RXFP1: variants seen among roughly 807,000 people sequenced by gnomAD.
RXFP1 encodes the protein relaxin receptor 1.
RXFP1 carries 73 observed loss-of-function variants against 89.8 expected under a neutral mutation model. The ratio of observed to expected loss-of-function variants is 0.81; its 90% CI spans 0.67 to 0.99. RXFP1 has a LOEUF of 0.99. Among genes scored for constraint, RXFP1 ranks in the 50% least tolerant of loss-of-function variants. RXFP1 has a pLI of 0.00. For synonymous variants in RXFP1, 277 were observed against 305.5 expected (o/e 0.91, Z 0.97); for missense variants, 793 against 895.5 (o/e 0.89, Z 1.46).
intron 15 of RXFP1, 91 bp from the exon 16 acceptor site, chr4:158,646,700 A>G: frequency 1.4e-6 from 2 of 1,478,714 alleles, no homozygotes; most frequent in South Asian, 3.0e-5. Context: ...AAACTTGACT[A>G]TTTTTTCTAG....
intron 3 of RXFP1, among the ~76,000 whole-genome samples, chr4:158,597,894 C>G (rs55779706): frequency 6.6e-6 from 1 of 152,116 alleles, no homozygotes; most frequent in Non-Finnish European, 1.5e-5. Flanking sequence ...ACATCCACAA[C>G]CAAAGTGGGT....
chr4:158,624,606 C>T (rs570908428), intron 9 of RXFP1, among the ~76,000 whole-genome samples: 8 of 152,214 alleles, frequency 5.3e-5, no homozygotes, highest in African/African-American at 1.9e-4. Flanking sequence ...AAAAAACCTT[C>T]GTTAACTCCA....
chr4:158,607,657 A>T (rs557591564), intron 5 of RXFP1, among the ~76,000 whole-genome samples: 1 of 152,352 alleles, frequency 6.6e-6, no homozygotes, highest in South Asian at 2.1e-4. Context: ...ATTCATCTTT[A>T]TAACTAGAAT....
At position 158,527,564 on chromosome 4, in the gene RXFP1, A is replaced by AATATATATATATAT. The variant is rs1553989424; in HGVS notation, c.49+5540_49+5553dup. Among the ~76,000 whole-genome samples, 601 of 98,278 alleles carry AATATATATATATAT rather than the reference A, an allele frequency of 6.1e-3. 7 individuals carry two copies. Among genetic ancestry groups the AATATATATATATAT allele is most frequent in the South Asian group, 0.019 (46 of 2,374 alleles). The allele number at this position is 98,278 out of a possible 152,430, so 64.5% of individuals were successfully genotyped here. A position where few individuals can be genotyped will look rare whatever the true frequency, so the allele number is the denominator to read the frequency against. Reference sequence around the variant, plus strand: ...ATCTCCCCCGCTCCAAAAAAAAAAAAATATATATATATATGTATATATATA... The same window carrying AATATATATATATAT: ...ATCTCCCCCGCTCCAAAAAAAAAAAAATATATATATATATATATATATATATATGTATATATATA... On this transcript the variant is annotated intron_variant, in intron 1 of 17. Transcript: ENST00000307765.
chr4:158,617,170 A>G lies in RXFP1; in HGVS notation c.720A>G (p.Lys240=). 1 of 1,610,376 alleles carries G rather than the reference A, an allele frequency of 6.2e-7. No homozygotes were observed. Among genetic ancestry groups the G allele is most frequent in the Admixed American group, 1.7e-5 (1 of 59,650 alleles). The change falls in exon 9 of 18, where the codon AAA becomes AAG. Residue 240 remains lysine (K), a synonymous_variant. Transcript: ENST00000307765. ...MNNVLTRLPD[K]PLCQHMPRLH... is the part of the protein sequence containing the mutation. ...ACGTCCTCACCCGTTTACCTGATAA[A>G]CCTCTCTGTCAACACATGCCAAGAC...
rs61074864 is a variant in RXFP1 at position 158,640,444 on chromosome 4, T to C, written c.1115+1113T>C. Among the ~76,000 whole-genome samples the C allele has an allele frequency of 9.9e-3, 1,507 of 152,130 alleles. 23 individuals are homozygous for C. The highest frequency in any genetic ancestry group is 0.035 in the African/African-American group (1,449 of 41,480). On this transcript the variant is annotated intron_variant, in intron 14 of 17. Coordinates refer to ENST00000307765, the MANE Select transcript of RXFP1 (RefSeq NM_021634.4). ...GTACCAACCTCTAATTTTGGTGAGGTCGTCAGGAAAGCTTTTAATCATGGC... is the reference window on the plus strand; with the variant it reads ...GTACCAACCTCTAATTTTGGTGAGGCCGTCAGGAAAGCTTTTAATCATGGC...
chr4:158,537,947 AG>A (rs1247713515), intron 1 of RXFP1, among the ~76,000 whole-genome samples: 1 of 152,200 alleles, frequency 6.6e-6, no homozygotes, highest in Admixed American at 6.5e-5. Context: ...TTGAAGAATG[AG>A]GAACAGCCAG....
At chr4:158,527,564 A>AAAAAATATAT (rs5741905) in intron 1 of RXFP1, among the ~76,000 whole-genome samples, 45 of 98,326 alleles carry the variant, frequency 4.6e-4, no homozygotes, top group East Asian at 1.6e-3. Context: ...AAAAAAAAAA[A>AAAAAATATAT]ATATATATAT....
intron 2 of RXFP1, among the ~76,000 whole-genome samples, chr4:158,579,242 G>C (rs1307210806): frequency 6.6e-6 from 1 of 151,960 alleles, no homozygotes; most frequent in Non-Finnish European, 1.5e-5. Flanking sequence ...CTGGCCTCCA[G>C]AACTGTGAGA....
chr4:158,644,881 C>T (rs1033900380), intron 14 of RXFP1, 28 bp from the exon 15 acceptor site: 8 of 1,481,188 alleles, frequency 5.4e-6, no homozygotes, highest in Non-Finnish European at 7.5e-6. Context: ...AATGGAAAAT[C>T]TTATTTTACT....
chr4:158,558,610 G>GCAATA (rs1751815595), intron 1 of RXFP1, among the ~76,000 whole-genome samples: 1 of 152,082 alleles, frequency 6.6e-6, no homozygotes, highest in Non-Finnish European at 1.5e-5. Flanking sequence ...CTTAAGCAAG[G>GCAATA]TATATATTCA....
chr4:158,551,164 A>G (rs904915952), intron 1 of RXFP1, among the ~76,000 whole-genome samples: 5 of 152,230 alleles, frequency 3.3e-5, no homozygotes, highest in Non-Finnish European at 2.9e-5. Flanking sequence ...CATTTGTGAC[A>G]ACATGGATGA....
intron 10 of RXFP1, among the ~76,000 whole-genome samples, chr4:158,627,640 TA>T (rs1767166859): frequency 6.6e-6 from 1 of 152,032 alleles, no homozygotes; most frequent in African/African-American, 2.4e-5. Flanking sequence ...AGGACCCCTG[TA>T]TATAGGCGAT....
At chr4:158,573,500 T>A (rs1755582874) in intron 2 of RXFP1, among the ~76,000 whole-genome samples, 1 of 150,676 alleles carries the variant, frequency 6.6e-6, no homozygotes, top group Non-Finnish European at 1.5e-5. Context: ...TTTTTGTGAT[T>A]TTTTTTTTAA....
At chr4:158,618,596 T>G (rs991942309) in intron 9 of RXFP1, among the ~76,000 whole-genome samples, 21 of 152,070 alleles carry the variant, frequency 1.4e-4, no homozygotes, top group Non-Finnish European at 1.2e-4. Context: ...ATTATTTACC[T>G]TTTTATAACT....
intron 13 of RXFP1, among the ~76,000 whole-genome samples, chr4:158,638,967 T>G (rs1033480844): frequency 1.3e-5 from 2 of 152,208 alleles, no homozygotes; most frequent in African/African-American, 4.8e-5. Context: ...GTACAAAAGA[T>G]AATGCTTGTG....
intron 6 of RXFP1, among the ~76,000 whole-genome samples, chr4:158,611,752 G>A (rs1251186241): frequency 6.6e-6 from 1 of 152,190 alleles, no homozygotes; most frequent in African/African-American, 2.4e-5. Context: ...CAATGGCAGA[G>A]CAACCATGCA....
Position 158,619,913 on chromosome 4 carries a change from G to T in RXFP1, c.755+2708G>T, listed in dbSNP as rs181062969. Among the ~76,000 whole-genome samples the T allele has an allele frequency of 3.0e-3, 464 of 152,216 alleles. 3 individuals carry two copies. The highest frequency in any genetic ancestry group is 0.011 in the African/African-American group (438 of 41,538). ...ATCACGGCAGGAAATGCTCTTATGA[G>T]AGTTTGGCTTCTGGAGAAGGGGGAA... is the stretch of plus-strand genomic sequence containing the variant. On this transcript the variant is annotated intron_variant, in intron 9 of 17. Coordinates refer to ENST00000307765, the MANE Select transcript of RXFP1 (RefSeq NM_021634.4).
At chr4:158,635,841 A>G (rs1435572048) in intron 12 of RXFP1, among the ~76,000 whole-genome samples, 1 of 147,500 alleles carries the variant, frequency 6.8e-6, no homozygotes, top group Non-Finnish European at 1.5e-5. Flanking sequence ...ATTTTTGTTT[A>G]TTTCCTCTTT....
Sources: allele counts gnomAD v4.1 joint callset (sites outside exome capture counted in the v4.1 genomes callset), GRCh38; gene constraint gnomAD v4.1.1; transcripts MANE v1.5; gene names NCBI Gene and HGNC (gene_info 2026-07-23, HGNC 2026-07-21).